CDK12: variants seen among roughly 807,000 people sequenced by gnomAD.
CDK12 encodes cyclin dependent kinase 12.
Under a neutral mutation model 133.8 loss-of-function variants are expected in CDK12, and 17 were observed. The ratio of observed to expected loss-of-function variants is 0.13; its 90% CI spans 0.09 to 0.19. The LOEUF is 0.19. CDK12 is among the 10% of genes least tolerant of loss of function. The probability of loss-of-function intolerance (pLI) is 1.00; values close to 1 mark genes in which losing one functional copy is unlikely to be tolerated. For missense variants in CDK12, 1,508 were observed against 1,818.7 expected (o/e 0.83, Z 3.11); for synonymous variants, 694 against 683.6 (o/e 1.02, Z -0.24).
Position 39,496,714 on chromosome 17 carries a change from C to CA in CDK12, c.2419+2026dup, listed in dbSNP as rs1449163332. 1.6e-4 allele frequency among the ~76,000 whole-genome samples: 25 copies of CA among 151,844 alleles called. No homozygotes were observed. In the East Asian group the frequency reaches 4.5e-3, roughly 27 times the overall value. ...AAAACTCTGTCTCAAAAAAAAATCC[C>CA]AAAAAACATAATAACAATGCCTTGA... On this transcript the variant is annotated intron_variant, in intron 5 of 13. Coordinates refer to ENST00000447079, the MANE Select transcript of CDK12 (RefSeq NM_016507.4).
At chr17:39,507,525 G>C (rs903788810) in intron 6 of CDK12, among the ~76,000 whole-genome samples, 62 of 151,662 alleles carry the variant, frequency 4.1e-4, no homozygotes, top group African/African-American at 1.5e-3. Flanking sequence ...TCGCACTCCA[G>C]CCTTGGCAAC....
At position 39,494,509 on chromosome 17, in the gene CDK12, C is replaced by T. The variant is rs1408414227; in HGVS notation, c.2249-15C>T. Reference sequence around the variant, plus strand: ...AATGCTCATTGATAATAACAGTTTACATTTGTTTTGGCAGGAGAACTAGTG... The same window carrying T: ...AATGCTCATTGATAATAACAGTTTATATTTGTTTTGGCAGGAGAACTAGTG... On this transcript the variant is annotated splice_polypyrimidine_tract_variant and intron_variant, in intron 4 of 13. Coordinates refer to ENST00000447079, the MANE Select transcript of CDK12 (RefSeq NM_016507.4). The T allele has an allele frequency of 3.1e-6, 5 of 1,612,452 alleles. No individual in the cohort carries two copies. Among genetic ancestry groups the T allele is most frequent in the Non-Finnish European group, 4.2e-6 (5 of 1,178,810 alleles).
intron 6 of CDK12, among the ~76,000 whole-genome samples, chr17:39,503,261 C>T (rs748137815): frequency 6.6e-5 from 10 of 152,054 alleles, no homozygotes; most frequent in South Asian, 2.1e-4. Context: ...TTAGTAGAGA[C>T]GGGATTTCAC....
chr17:39,562,325 G>A (rs1289724390), intron 3 of CDK12, among the ~76,000 whole-genome samples: 2 of 152,190 alleles, frequency 1.3e-5, no homozygotes, highest in African/African-American at 4.8e-5. Flanking sequence ...CTGGTTGGGA[G>A]TTCTTAGACA....
rs78077571 is a variant in CDK12, at chr17:39,481,813, C to T, written c.1932-8744C>T. ...TCGGCACACTGCAACCTCCGCCTCC[C>T]GGGTTGAAGTGATTCTCCTGCCTCA... On this transcript the variant is annotated intron_variant, in intron 2 of 13. Coordinates refer to ENST00000447079, the MANE Select transcript of CDK12 (RefSeq NM_016507.4). 3.3e-5 allele frequency among the ~76,000 whole-genome samples: 5 copies of T among 151,330 alleles called. No individual in the cohort carries two copies. In the South Asian group the frequency reaches 8.4e-4, roughly 25 times the overall value.
At chr17:39,547,252 C>G (rs992765025), upstream of CDK12, among the ~76,000 whole-genome samples, 1 of 151,080 alleles carries the variant, frequency 6.6e-6, no homozygotes, top group Admixed American at 6.6e-5. Flanking sequence ...ACTCCTGCCT[C>G]AGCCTCCTGA....
chr17:39,554,150 G>A (rs1428593316), intron 2 of CDK12, among the ~76,000 whole-genome samples: 1 of 152,202 alleles, frequency 6.6e-6, no homozygotes, highest in East Asian at 1.9e-4. Context: ...GGCAAACACA[G>A]TTACTCCTCC....
In CDK12 at chr17:39,524,902, G is replaced by A. The variant is rs766272361; in HGVS notation, c.3307+17G>A. Reference sequence around the variant, plus strand: ...ATGCAATAGGTCAGTGCCAGAATGGGGCCTTTGTGCTTTTGCTAAGCGTAT... The same window carrying A: ...ATGCAATAGGTCAGTGCCAGAATGGAGCCTTTGTGCTTTTGCTAAGCGTAT... On this transcript the variant is annotated intron_variant, in intron 12 of 13. Transcript: ENST00000447079. 6.3e-7 allele frequency: 1 copy of A among 1,593,112 alleles called. No homozygotes were observed. Among genetic ancestry groups the A allele is most frequent in the Admixed American group, 1.7e-5 (1 of 57,338 alleles).
chr17:39,549,630 G>A (rs2144162742), upstream of CDK12: 1 of 152,330 alleles, frequency 6.6e-6, no homozygotes, highest in East Asian at 1.9e-4. Context: ...CCTCGTTATA[G>A]TCTTCCCAGT....
intron 10 of CDK12, among the ~76,000 whole-genome samples, chr17:39,519,345 A>G (rs1474717484): frequency 1.9e-5 from 2 of 105,834 alleles, no homozygotes; most frequent in African/African-American, 7.6e-5. Flanking sequence ...TCACTCTGTC[A>G]CCTAGGCTGG....
At chr17:39,565,786 T>C (rs1383152921), downstream of CDK12, among the ~76,000 whole-genome samples, 1 of 152,194 alleles carries the variant, frequency 6.6e-6, no homozygotes, top group Non-Finnish European at 1.5e-5. Context: ...AGTTTCCTAG[T>C]GTCTGGATGT....
chr17:39,483,540 A>G (rs2050886148), intron 2 of CDK12, among the ~76,000 whole-genome samples: 1 of 152,144 alleles, frequency 6.6e-6, no homozygotes, highest in Non-Finnish European at 1.5e-5. Context: ...CTAGGATTAC[A>G]GGCATGAGCC....
At chr17:39,557,108 C>T (rs1315731796) in intron 3 of CDK12, 2 of 152,114 alleles carry the variant, frequency 1.3e-5, no homozygotes, top group Non-Finnish European at 2.9e-5. Flanking sequence ...CCCTCAGATC[C>T]CTCCTTTATG....
At chr17:39,465,579 C>G (rs979130533) in intron 1 of CDK12, among the ~76,000 whole-genome samples, 1 of 151,808 alleles carries the variant, frequency 6.6e-6, no homozygotes, top group African/African-American at 2.4e-5. Flanking sequence ...CTCTGCCTCT[C>G]GGGTTCAAGC....
At position 39,531,475 on chromosome 17, in the gene CDK12, G is replaced by T; in HGVS notation, c.*159G>T. On this transcript the variant is annotated 3_prime_UTR_variant, in exon 14 of 14. Coordinates refer to ENST00000447079, the MANE Select transcript of CDK12 (RefSeq NM_016507.4). ...TTCCTTGCTCACTTGCTACTAGCAG[G>T]CGACTTACGAAATAATGATGTTGGC... 1.6e-6 allele frequency: 1 copy of T among 615,178 alleles called. No homozygotes were observed. The highest frequency in any genetic ancestry group is 3.8e-5 in the Admixed American group (1 of 26,102). The allele number at this position is 615,178 out of a possible 1,614,324, so 38.1% of individuals were successfully genotyped here.
Position 39,500,418 on chromosome 17 carries a change from A to G in CDK12, c.2420-832A>G, listed in dbSNP as rs1340077429. Among the ~76,000 whole-genome samples, 5 of 152,176 alleles carry G rather than the reference A, an allele frequency of 3.3e-5. No homozygotes were observed. In the East Asian group the frequency reaches 9.7e-4, roughly 30 times the overall value. The stretch of plus-strand genomic sequence containing the variant: ...GAAGCTAAGGCAGGCGGATCACCTG[A>G]GGTCAGGAGTTTGAGACCAGCCTGA... On this transcript the variant is annotated intron_variant, in intron 5 of 13. Coordinates refer to ENST00000447079, the MANE Select transcript of CDK12 (RefSeq NM_016507.4).
intron 2 of CDK12, among the ~76,000 whole-genome samples, chr17:39,483,683 AGTTACAATTTATTTATTT>A (rs2050898007): frequency 6.7e-6 from 1 of 150,206 alleles, no homozygotes; most frequent in African/African-American, 2.5e-5. Flanking sequence ...TTTTTTAAAC[AGTTACAATTTATTTATTT>A]ATTTATTTAT....
Position 39,462,695 on chromosome 17 carries a change from A to G in CDK12, c.624A>G (p.Lys208=). ...GTCATCGAAAAAGGGAAACACCCAA[A>G]AGTTACAAAACAGTGGACAGCCCAA... ...SKSHRKRETP[K]SYKTVDSPKR... Residue 208 remains lysine, a synonymous_variant, in exon 1 of 14, where the codon AAA becomes AAG. Transcript: ENST00000447079. The G allele has an allele frequency of 6.2e-7, 1 of 1,614,216 alleles. No individual in the cohort carries two copies. The highest frequency in any genetic ancestry group is 8.5e-7 in the Non-Finnish European group (1 of 1,180,044).
chr17:39,524,932 C>T (rs2146693045), intron 12 of CDK12, 47 bp downstream of exon 12: 1 of 1,533,402 alleles, frequency 6.5e-7, no homozygotes, highest in Non-Finnish European at 8.9e-7. Flanking sequence ...GCGTATTTGG[C>T]AGGTTTTGAA....
Sources: allele counts gnomAD v4.1 joint callset (sites outside exome capture counted in the v4.1 genomes callset), GRCh38; gene constraint gnomAD v4.1.1; transcripts MANE v1.5; gene names NCBI Gene and HGNC (gene_info 2026-07-23, HGNC 2026-07-21).